Variants in SCARA5 observed in about 807,000 individuals in gnomAD.
SCARA5 encodes the protein scavenger receptor class A, member 5 (putative).
Under a neutral mutation model 46.3 loss-of-function variants are expected in SCARA5, and 45 were observed. The observed-to-expected ratio is 0.97, with a 90% confidence interval of 0.76 to 1.24. The LOEUF (loss-of-function observed/expected upper bound fraction) is 1.24, where lower values mean the gene tolerates loss of function less well. Among genes scored for constraint, SCARA5 ranks in the 50% most tolerant of loss-of-function variants. The pLI, the probability that SCARA5 is intolerant of heterozygous loss-of-function variation, is 0.00. For missense variants in SCARA5, 680 were observed against 689.0 expected (o/e 0.99, Z 0.15); for synonymous variants, 333 against 306.5 (o/e 1.09, Z -0.90).
chr8:27,954,478 G>C lies in SCARA5; in HGVS notation c.241+11936C>G, dbSNP rs183362190. On this transcript the variant is annotated intron_variant, in intron 3 of 8. Transcript: ENST00000354914. ...GCATTCACAGTGTATACACACTAAG[G>C]GGTGCTCTTTTTTTCCCTTAACGCA... Among the ~76,000 whole-genome samples the C allele has an allele frequency of 4.6e-5, 7 of 152,230 alleles. No individual in the cohort carries two copies. In the East Asian group the frequency reaches 1.2e-3, roughly 25 times the overall value.
At chr8:27,918,505 A>AGAGGAAAAG (rs139506235) in intron 4 of SCARA5, among the ~76,000 whole-genome samples, 1 of 147,196 alleles carries the variant, frequency 6.8e-6, no homozygotes, top group African/African-American at 2.5e-5. Context: ...AGGAGGAAAA[A>AGAGGAAAAG]GAGGAAAAGG....
chr8:27,990,559 A>G (rs1340622580), intron 1 of SCARA5, among the ~76,000 whole-genome samples: 1 of 152,182 alleles, frequency 6.6e-6, no homozygotes, highest in Non-Finnish European at 1.5e-5. Context: ...GAAGGAATGG[A>G]TATCAGAGCG....
At chr8:27,974,009 G>T (rs942678772) in intron 2 of SCARA5, among the ~76,000 whole-genome samples, 6 of 152,092 alleles carry the variant, frequency 3.9e-5, no homozygotes, top group African/African-American at 1.4e-4. Flanking sequence ...GTTTGGCAAC[G>T]GACATTAAAG....
chr8:27,880,877 G>A (rs1380086546), intron 7 of SCARA5, among the ~76,000 whole-genome samples: 104 of 68,548 alleles, frequency 1.5e-3, no homozygotes, highest in Middle Eastern at 0.015. Flanking sequence ...AAAAAAAAAA[G>A]TGGGCAGGAG....
chr8:27,937,006 T>C (rs1807867995), intron 3 of SCARA5, among the ~76,000 whole-genome samples: 1 of 152,184 alleles, frequency 6.6e-6, no homozygotes, highest in African/African-American at 2.4e-5. Flanking sequence ...TTTTGGAGGC[T>C]AGAGTGTCTG....
In SCARA5 at chr8:27,927,593, C is replaced by T. The variant is rs76291723; in HGVS notation, c.242-5348G>A. On this transcript the variant is annotated intron_variant, in intron 3 of 8. Coordinates refer to ENST00000354914, the MANE Select transcript of SCARA5 (RefSeq NM_173833.6). ...GATTTTGATGACTGCCTATAAGTCC[C>T]TCAAGAGGACACATTTAATTTACCC... Among the ~76,000 whole-genome samples, 631 of 152,102 alleles carry T rather than the reference C, an allele frequency of 4.1e-3. 4 individuals are homozygous for T. The highest frequency in any genetic ancestry group is 0.014 in the African/African-American group (584 of 41,480).
intron 3 of SCARA5, among the ~76,000 whole-genome samples, chr8:27,927,880 A>C (rs976164936): frequency 1.2e-4 from 19 of 152,338 alleles, no homozygotes; most frequent in South Asian, 2.1e-4. Context: ...TACAATTTTC[A>C]TGTTGTGAAT....
rs1010197689 is a variant in SCARA5, at chr8:27,871,675, C to G, written c.*259G>C. The stretch of plus-strand genomic sequence containing the variant: ...TTCAGAGGCTGGGCAAAGTGGTGAT[C>G]CAGTTGATCAGGGCTCCTCATGCAG... On this transcript the variant is annotated 3_prime_UTR_variant, in exon 9 of 9. Transcript: ENST00000354914. 9 of 1,357,730 alleles carry G rather than the reference C, an allele frequency of 6.6e-6. No homozygotes were observed. Among genetic ancestry groups the G allele is most frequent in the Non-Finnish European group, 8.5e-6 (9 of 1,052,812 alleles). The allele number at this position is 1,357,730 out of a possible 1,614,324, so 84.1% of individuals were successfully genotyped here.
At chr8:27,989,129 C>CTTTTTTTTTTTTT (rs34929623) in intron 1 of SCARA5, among the ~76,000 whole-genome samples, 49 of 68,298 alleles carry the variant, frequency 7.2e-4, no homozygotes, top group African/African-American at 1.2e-3. Context: ...TTCTTTCTTT[C>CTTTTTTTTTTTTT]TTTTTTTTTT....
chr8:27,959,736 A>G (rs1336532286), intron 3 of SCARA5, among the ~76,000 whole-genome samples: 2 of 152,206 alleles, frequency 1.3e-5, no homozygotes, highest in Admixed American at 6.5e-5. Context: ...CAAGGAGGAC[A>G]AGGAAGGGGT....
intron 7 of SCARA5, among the ~76,000 whole-genome samples, chr8:27,886,539 G>A (rs74425866): frequency 0.027 from 4,100 of 152,248 alleles, 207 homozygotes; most frequent in African/African-American, 0.094. Flanking sequence ...AGAAACTTGT[G>A]TCTCTGGCCT....
chr8:27,879,701 C>T lies in SCARA5; in HGVS notation c.1219G>A (p.Glu407Lys), dbSNP rs1354601363. 6.2e-7 allele frequency: 1 copy of T among 1,613,088 alleles called. No individual in the cohort carries two copies. Among genetic ancestry groups the T allele is most frequent in the East Asian group, 2.2e-5 (1 of 44,884 alleles). The change falls in exon 8 of 9, where the codon GAA (glutamate) becomes AAA (lysine). Residue 407 changes from glutamate (E) to lysine (K), a missense_variant. By Grantham distance (56) the Glu-to-Lys change is moderately conservative. This residue lies in a region of SCARA5 where 219 missense variants were observed against 269.5 expected (regional missense o/e 0.81). Coordinates refer to ENST00000354914, the MANE Select transcript of SCARA5 (RefSeq NM_173833.6). ...NGSGPHEGRVEVYHDRRWGTV... is the reference protein window; with the variant it reads ...NGSGPHEGRVKVYHDRRWGTV... ...CCCCAACGCCGGTCGTGGTACACTT[C>T]CACGCGGCCCTCGTGCGGACCTGAG...
intron 3 of SCARA5, among the ~76,000 whole-genome samples, chr8:27,943,815 A>G (rs1807988465): frequency 6.6e-6 from 1 of 152,186 alleles, no homozygotes. Context: ...GGATGCTAAA[A>G]TCATGGAGTG....
At chr8:27,947,212 G>A (rs377018418) in intron 3 of SCARA5, among the ~76,000 whole-genome samples, 28 of 152,164 alleles carry the variant, frequency 1.8e-4, no homozygotes, top group South Asian at 4.2e-4. Context: ...GGGTTTCGCC[G>A]TGTTGGCCAG....
At chr8:27,909,792 A>G (rs944464684) in intron 4 of SCARA5, 49 bp from the exon 5 acceptor site, 1 of 1,264,972 alleles carries the variant, frequency 7.9e-7, no homozygotes. Flanking sequence ...CTTCTGAAAC[A>G]GGACCAGGTC....
At chr8:27,969,808 TCTGACACTAC>T (rs1808421217) in intron 2 of SCARA5, among the ~76,000 whole-genome samples, 1 of 152,102 alleles carries the variant, frequency 6.6e-6, no homozygotes. Context: ...TTGCTATAAA[TCTGACACTAC>T]TATTAAAAAA....
In SCARA5 at chr8:27,897,901, A is replaced by G. The variant is rs150205382; in HGVS notation, c.1153+6877T>C. The stretch of plus-strand genomic sequence containing the variant: ...GCCCTGGTTCCTGCCTTCAGTTAGC[A>G]TATATCCAGAATACAAATATTAGTG... On this transcript the variant is annotated intron_variant, in intron 7 of 8. Coordinates refer to ENST00000354914, the MANE Select transcript of SCARA5 (RefSeq NM_173833.6). Among the ~76,000 whole-genome samples, 108 of 152,374 alleles carry G rather than the reference A, an allele frequency of 7.1e-4. 1 individual carries two copies. The East Asian group carries it at 0.019, about 27-fold the overall frequency.
At chr8:27,902,057 C>T (rs1269322888) in intron 7 of SCARA5, among the ~76,000 whole-genome samples, 1 of 152,164 alleles carries the variant, frequency 6.6e-6, no homozygotes, top group Non-Finnish European at 1.5e-5. Context: ...TGTCTCTGCT[C>T]AGCCCCTTCA....
At chr8:27,949,324 C>T (rs1005845141) in intron 3 of SCARA5, among the ~76,000 whole-genome samples, 2 of 152,216 alleles carry the variant, frequency 1.3e-5, no homozygotes, top group African/African-American at 4.8e-5. Context: ...CCACCAGTGC[C>T]CTTTAAATTT....
Sources: gnomAD v4.1 joint callset for allele counts (sites outside exome capture counted in the v4.1 genomes callset) on GRCh38, gnomAD v4.1.1 for gene constraint, gnomAD v4.1.1 regional missense constraint, MANE v1.5 for transcripts, NCBI Gene and HGNC (gene_info 2026-07-23, HGNC 2026-07-21) for gene names.